The following MYRIP variants were observed in gnomAD, a reference collection of about 807,000 sequenced individuals.
MYRIP encodes rab effector MyRIP.
Under a neutral mutation model 98.0 loss-of-function variants are expected in MYRIP, and 49 were observed. The ratio of observed to expected loss-of-function variants is 0.50; its 90% CI spans 0.40 to 0.63. The LOEUF is 0.63. Ranked by LOEUF, MYRIP falls within the 30% of genes least tolerant of loss-of-function variation. The probability of loss-of-function intolerance (pLI) is 0.00; values close to 1 mark genes in which losing one functional copy is unlikely to be tolerated. For synonymous variants in MYRIP, 404 were observed against 409.5 expected, an observed-to-expected ratio of 0.99 and a Z score of 0.16; for missense variants, 1,004 against 1,058.2, an observed-to-expected ratio of 0.95 and a Z score of 0.71.
intron 2 of MYRIP, among the ~76,000 whole-genome samples, chr3:39,934,050 A>C (rs1944601788): frequency 6.6e-6 from 1 of 152,202 alleles, no homozygotes; most frequent in Non-Finnish European, 1.5e-5. Flanking sequence ...GGCATTCAGC[A>C]ATGTGTGCTT....
Position 40,258,145 on chromosome 3 carries a change from G to A in MYRIP, c.2559G>A (p.Leu853=), listed in dbSNP as rs1256115836. The A allele has an allele frequency of 6.2e-7, 1 of 1,613,876 alleles. No homozygotes were observed. The highest frequency in any genetic ancestry group is 8.5e-7 in the Non-Finnish European group (1 of 1,179,734). The part of the protein sequence containing the change: ...GTTKDLMEPA[L]ESAVMY Reference sequence around the variant, plus strand: ...ATGTCTCACCTCAGGAGCCTGCTCTGGAGTCAGCTGTGATGTACTGACACC... The same window carrying A: ...ATGTCTCACCTCAGGAGCCTGCTCTAGAGTCAGCTGTGATGTACTGACACC... Residue 853 remains leucine (L), a synonymous_variant, in exon 17 of 17, where the codon CTG becomes CTA. Transcript: ENST00000302541.
At chr3:40,209,033 C>T (rs910124705) in intron 10 of MYRIP, 2 of 152,230 alleles carry the variant, frequency 1.3e-5, no homozygotes, top group Non-Finnish European at 2.9e-5. Flanking sequence ...TGTCTGTAGT[C>T]CCAGCTACTT....
chr3:40,154,353 A>G (rs1950176479), intron 4 of MYRIP, among the ~76,000 whole-genome samples: 1 of 152,134 alleles, frequency 6.6e-6, no homozygotes, highest in South Asian at 2.1e-4. Context: ...TATTCAGTAA[A>G]TATTTACTGA....
intron 2 of MYRIP, among the ~76,000 whole-genome samples, chr3:40,004,075 T>C (rs1946581251): frequency 6.6e-6 from 1 of 152,240 alleles, no homozygotes; most frequent in African/African-American, 2.4e-5. Context: ...TCTATGAACA[T>C]GTTTCAATCT....
intron 1 of MYRIP, among the ~76,000 whole-genome samples, chr3:39,900,481 CT>C (rs1943715939): frequency 6.6e-6 from 1 of 151,800 alleles, no homozygotes. Context: ...TAGATATTGC[CT>C]TTTGGCATTT....
intron 2 of MYRIP, among the ~76,000 whole-genome samples, chr3:39,901,284 G>C (rs1943735540): frequency 6.6e-6 from 1 of 152,194 alleles, no homozygotes; most frequent in South Asian, 2.1e-4. Flanking sequence ...GTTCTTGTGA[G>C]AATGAGTCTC....
intron 4 of MYRIP, among the ~76,000 whole-genome samples, chr3:40,152,034 G>C (rs1009088194): frequency 6.6e-6 from 1 of 152,174 alleles, no homozygotes; most frequent in Non-Finnish European, 1.5e-5. Context: ...ATAGAATGGA[G>C]GCACTAAACA....
At chr3:40,106,518 A>G (rs1575542410) in intron 3 of MYRIP, among the ~76,000 whole-genome samples, 1 of 151,936 alleles carries the variant, frequency 6.6e-6, no homozygotes, top group Non-Finnish European at 1.5e-5. Context: ...TATTTGGGGG[A>G]AAAAGTGCCC....
At chr3:40,212,184 A>ATGTGTATATACATATATATACGTGTG (rs1951965165) in intron 11 of MYRIP, among the ~76,000 whole-genome samples, 4 of 8,040 alleles carry the variant, frequency 5.0e-4, no homozygotes, top group African/African-American at 8.7e-4. Flanking sequence ...ATATACGTGT[A>ATGTGTATATACATATATATACGTGTG]TGTGTATATA....
At chr3:39,847,648 T>C (rs1942006703) in intron 1 of MYRIP, among the ~76,000 whole-genome samples, 1 of 152,198 alleles carries the variant, frequency 6.6e-6, no homozygotes, top group Non-Finnish European at 1.5e-5. Flanking sequence ...GATGATCCTT[T>C]TAAGGCCCAG....
intron 1 of MYRIP, among the ~76,000 whole-genome samples, chr3:39,882,968 G>A (rs1247441852): frequency 6.6e-6 from 1 of 151,084 alleles, no homozygotes. Flanking sequence ...AAATATGAGA[G>A]AAAAATAAAA....
At chr3:40,072,235 G>C (rs1948246678) in intron 3 of MYRIP, among the ~76,000 whole-genome samples, 2 of 152,042 alleles carry the variant, frequency 1.3e-5, no homozygotes. Context: ...TGGAGACAGA[G>C]TCTCGCTCTC....
At chr3:40,178,407 A>G (rs148285036) in intron 8 of MYRIP, among the ~76,000 whole-genome samples, 130 of 152,312 alleles carry the variant, frequency 8.5e-4, no homozygotes, top group African/African-American at 2.9e-3. Flanking sequence ...GGGCACATTA[A>G]CCAGGAGTGC....
intron 1 of MYRIP, among the ~76,000 whole-genome samples, chr3:39,829,640 C>A (rs1040788388): frequency 6.6e-6 from 1 of 152,090 alleles, no homozygotes; most frequent in Non-Finnish European, 1.5e-5. Context: ...TGAGTCCTGG[C>A]TCAATGGGGT....
chr3:40,012,011 AG>A (rs1431151254), intron 2 of MYRIP, among the ~76,000 whole-genome samples: 1 of 152,244 alleles, frequency 6.6e-6, no homozygotes, highest in African/African-American at 2.4e-5. Flanking sequence ...AATAAAATGA[AG>A]CTATATTAAT....
rs1275530818 is a variant in MYRIP at position 40,022,908 on chromosome 3, G to A, written c.111-21142G>A. ...TTTGAGTTTGATTCCACATAAGATC[G>A]TGACCTGGAAAAGAGACTGGCAGTT... On this transcript the variant is annotated intron_variant, in intron 2 of 16. Transcript: ENST00000302541. Among the ~76,000 whole-genome samples, 8 of 152,054 alleles carry A rather than the reference G, an allele frequency of 5.3e-5. No individual in the cohort carries two copies. In the East Asian group the frequency reaches 1.2e-3, roughly 22 times the overall value.
chr3:40,098,740 TTGTGTGTGTGTGTG>T (rs3063561), intron 3 of MYRIP, among the ~76,000 whole-genome samples: 3 of 135,186 alleles, frequency 2.2e-5, no homozygotes, highest in African/African-American at 5.6e-5. Flanking sequence ...GTCTCTCTCA[TTGTGTGTGTGTGTG>T]TGTGTGTGTG....
chr3:40,191,584 C>T (rs1050005874), intron 10 of MYRIP, among the ~76,000 whole-genome samples: 1 of 152,080 alleles, frequency 6.6e-6, no homozygotes. Context: ...GGTCCTGAGG[C>T]CCCCATGAAG....
At chr3:40,019,606 CCCCAGCACCTGGCAGAGAG>C (rs1946946370) in intron 2 of MYRIP, among the ~76,000 whole-genome samples, 1 of 152,054 alleles carries the variant, frequency 6.6e-6, no homozygotes, top group Non-Finnish European at 1.5e-5. Flanking sequence ...TATTTTATGT[CCCCAGCACCTGGCAGAGAG>C]CCAGGCATAA....
Sources: gnomAD v4.1 joint callset for allele counts (sites outside exome capture counted in the v4.1 genomes callset) on GRCh38, gnomAD v4.1.1 for gene constraint, MANE v1.5 for transcripts, NCBI Gene and HGNC (gene_info 2026-07-23, HGNC 2026-07-21) for gene names.